PRDM16: variants seen among roughly 807,000 people sequenced by gnomAD.
The protein encoded by PRDM16 is histone-lysine N-methyltransferase PRDM16.
In PRDM16, 23 loss-of-function variants were observed where a neutral mutation model predicts 110.6. The observed-to-expected ratio is 0.21, with a 90% confidence interval of 0.15 to 0.29. The LOEUF is 0.29. PRDM16 is among the 10% of genes least tolerant of loss of function. The pLI is 1.00. For synonymous variants in PRDM16, 799 were observed against 781.8 expected, an observed-to-expected ratio of 1.02 and a Z score of -0.37; for missense variants, 1,615 against 1,794.3, an observed-to-expected ratio of 0.90 and a Z score of 1.81.
intron 1 of PRDM16, among the ~76,000 whole-genome samples, chr1:3,093,226 T>G (rs949377269): frequency 6.6e-6 from 1 of 152,056 alleles, no homozygotes; most frequent in Non-Finnish European, 1.5e-5. Context: ...TACCCCTATT[T>G]CAGAGGTAAA....
chr1:3,215,937 G>C (rs1344503005), intron 2 of PRDM16, among the ~76,000 whole-genome samples: 2 of 152,202 alleles, frequency 1.3e-5, no homozygotes, highest in Non-Finnish European at 1.5e-5. Context: ...ACATAAAAGA[G>C]ATGAGGCAAA....
intron 2 of PRDM16, among the ~76,000 whole-genome samples, chr1:3,191,445 G>T (rs1011922443): frequency 6.6e-6 from 1 of 152,316 alleles, no homozygotes; most frequent in South Asian, 2.1e-4. Flanking sequence ...CTTTGGCAGG[G>T]CCAGGACCTG....
chr1:3,107,292 C>T (rs570497773), intron 1 of PRDM16, among the ~76,000 whole-genome samples: 2 of 152,330 alleles, frequency 1.3e-5, no homozygotes, highest in African/African-American at 2.4e-5. Flanking sequence ...GTGGCTACAG[C>T]TAGGCTTTCG....
At chr1:3,073,545 C>T (rs1029041441) in intron 1 of PRDM16, among the ~76,000 whole-genome samples, 7 of 152,154 alleles carry the variant, frequency 4.6e-5, no homozygotes, top group Admixed American at 3.9e-4. Flanking sequence ...CTTCCCCGTG[C>T]GGGAAGGAAA....
intron 3 of PRDM16, among the ~76,000 whole-genome samples, chr1:3,375,779 G>C (rs527945717): frequency 5.1e-4 from 78 of 152,346 alleles, no homozygotes; most frequent in African/African-American, 1.8e-3. Context: ...ACTCCTCTTT[G>C]CTTCCCTGTC....
intron 3 of PRDM16, among the ~76,000 whole-genome samples, chr1:3,267,579 T>G (rs1212028558): frequency 1.3e-5 from 2 of 152,220 alleles, no homozygotes; most frequent in Non-Finnish European, 2.9e-5. Context: ...CCAGACTGTT[T>G]ACCACAGTGG....
chr1:3,219,692 A>C (rs1306688675), intron 2 of PRDM16, among the ~76,000 whole-genome samples: 1 of 152,132 alleles, frequency 6.6e-6, no homozygotes, highest in African/African-American at 2.4e-5. Context: ...TGAGGGCTGA[A>C]CATGGCAGGA....
chr1:3,381,684 C>G (rs969825816), intron 3 of PRDM16, among the ~76,000 whole-genome samples: 1 of 152,150 alleles, frequency 6.6e-6, no homozygotes, highest in Non-Finnish European at 1.5e-5. Context: ...CCACCGTGCC[C>G]GACAGAGGCC....
chr1:3,069,523 C>A lies in PRDM16; in HGVS notation c.37+227C>A, dbSNP rs865893139. Among the ~76,000 whole-genome samples the A allele has an allele frequency of 1.0e-4, 15 of 148,206 alleles. No homozygotes were observed. Among genetic ancestry groups the A allele is most frequent in the Non-Finnish European group, 1.5e-4 (10 of 66,430 alleles). On this transcript the variant is annotated intron_variant, in intron 1 of 16. Transcript: ENST00000270722. This position sits in a 1 kb window ranked among gnomAD's most constrained non-coding sequence, Gnocchi z 6.1. ...GCCGCGCGCTCCCCGAAGGCGCCGG[C>A]CCCCTCCCCGCGGAACCCCCTCCCC...
rs2151350 is a variant in PRDM16 at position 3,390,291 on chromosome 1, T to G, written c.573+5005T>G. 0.79 allele frequency among the ~76,000 whole-genome samples: 120,435 copies of G among 152,112 alleles called. 48,108 individuals carry two copies. The highest frequency in any genetic ancestry group is 0.9 in the African/African-American group (37,254 of 41,510). On this transcript the variant is annotated intron_variant, in intron 4 of 16. Transcript: ENST00000270722. The surrounding 1 kb of genome is among the most constrained non-coding windows in gnomAD (Gnocchi z 5.0). ...ACTGTCTAGTGGGGCTGAAGATGGC[T>G]GGGGACAGGGCTGAGGTCAAACACA...
rs1460244631 is a variant in PRDM16, at chr1:3,385,090, G to A, written c.439-62G>A. 1.4e-5 allele frequency: 22 copies of A among 1,591,568 alleles called. No individual in the cohort carries two copies. The Admixed American group carries it at 3.7e-4, about 27-fold the overall frequency. On this transcript the variant is annotated intron_variant, in intron 3 of 16. Coordinates refer to ENST00000270722, the MANE Select transcript of PRDM16 (RefSeq NM_022114.4). ...CAGCCAGGTTTCTGGGTGGGCAGAG[G>A]CTGTGTGCAGACTCCAGCACACAGG...
At chr1:3,194,085 G>A (rs754507300) in intron 2 of PRDM16, among the ~76,000 whole-genome samples, 2 of 152,232 alleles carry the variant, frequency 1.3e-5, no homozygotes, top group Non-Finnish European at 2.9e-5. Flanking sequence ...GAGCCCGCCT[G>A]CATGTCCTGT....
intron 3 of PRDM16, among the ~76,000 whole-genome samples, chr1:3,273,739 G>T (rs1245689484): frequency 6.6e-6 from 1 of 151,700 alleles, no homozygotes; most frequent in Non-Finnish European, 1.5e-5. Context: ...TGTGTGCATG[G>T]ATAGGTGTGT....
At chr1:3,329,180 C>T (rs542039947) in intron 3 of PRDM16, among the ~76,000 whole-genome samples, 3 of 152,368 alleles carry the variant, frequency 2.0e-5, no homozygotes, top group African/African-American at 7.2e-5. Flanking sequence ...AGGTAGGAAG[C>T]AGCACTGACC....
intron 1 of PRDM16, among the ~76,000 whole-genome samples, chr1:3,121,873 G>A (rs11809737): frequency 0.015 from 2,269 of 152,332 alleles, 64 homozygotes; most frequent in African/African-American, 0.051. Flanking sequence ...AAGGGCTGCA[G>A]CCCCGTCAGT....
rs1303427780 is a variant in PRDM16 at position 3,359,573 on chromosome 1, C to T, written c.439-25579C>T. ...ATCGCATCTCTCCCTGCAGCTACTC[C>T]AGGCTCGGGTTTCAGCCTCCCCTCC... On this transcript the variant is annotated intron_variant, in intron 3 of 16. Transcript: ENST00000270722. The surrounding 1 kb of genome is among the most constrained non-coding windows in gnomAD (Gnocchi z 4.3). Among the ~76,000 whole-genome samples the T allele has an allele frequency of 2.6e-5, 4 of 152,206 alleles. No individual in the cohort carries two copies.
At chr1:3,147,964 G>T (rs138699850) in intron 1 of PRDM16, among the ~76,000 whole-genome samples, 1 of 152,272 alleles carries the variant, frequency 6.6e-6, no homozygotes, top group East Asian at 1.9e-4. Flanking sequence ...ATTCTGCATT[G>T]ACCTCAAACC....
intron 6 of PRDM16, 52 bp downstream of exon 6, chr1:3,403,050 T>A (rs1000063397): frequency 1.3e-6 from 1 of 779,020 alleles, no homozygotes; most frequent in Non-Finnish European, 1.7e-6. Flanking sequence ...CTCCTCTGAG[T>A]CTTCCTCCCC....
At chr1:3,155,375 C>A (rs915900147) in intron 1 of PRDM16, among the ~76,000 whole-genome samples, 2 of 152,240 alleles carry the variant, frequency 1.3e-5, no homozygotes, top group African/African-American at 4.8e-5. Flanking sequence ...GCATGGTCTC[C>A]GCGAGGACTT....
Sources: gnomAD v4.1 joint callset for allele counts (sites outside exome capture counted in the v4.1 genomes callset) on GRCh38, gnomAD v4.1.1 for gene constraint, Gnocchi (gnomAD v3.1) non-coding constraint, MANE v1.5 for transcripts, NCBI Gene and HGNC (gene_info 2026-07-23, HGNC 2026-07-21) for gene names.